GOLPH3L: variants seen among roughly 807,000 people sequenced by gnomAD.
The protein encoded by GOLPH3L is golgi phosphoprotein 3 like, also known as Golgi phosphoprotein 3-like.
Under a neutral mutation model 30.3 loss-of-function variants are expected in GOLPH3L, and 22 were observed. That is an observed-to-expected ratio of 0.73 (90% CI 0.52 to 1.04). The LOEUF (loss-of-function observed/expected upper bound fraction) is 1.04, where lower values mean the gene tolerates loss of function less well. GOLPH3L is among the 50% of genes least tolerant of loss of function. The pLI is 0.00. For missense variants in GOLPH3L, 303 were observed against 345.8 expected (o/e 0.88, Z 0.98); for synonymous variants, 120 against 128.2 (o/e 0.94, Z 0.43).
At chr1:150,671,719 T>C (rs1255259480) in intron 2 of GOLPH3L, among the ~76,000 whole-genome samples, 7 of 145,330 alleles carry the variant, frequency 4.8e-5, no homozygotes, top group Admixed American at 2.9e-4. Context: ...ACAAGGAGAA[T>C]CGCTTGAACC....
chr1:150,652,238 AG>A (rs1650118481), intron 4 of GOLPH3L, among the ~76,000 whole-genome samples: 1 of 151,890 alleles, frequency 6.6e-6, no homozygotes, highest in South Asian at 2.1e-4. Context: ...AAAGCAAAGC[AG>A]GTGTGGTGGC....
intron 2 of GOLPH3L, among the ~76,000 whole-genome samples, chr1:150,679,615 G>A (rs1469561735): frequency 1.3e-5 from 2 of 152,132 alleles, no homozygotes; most frequent in South Asian, 2.1e-4. Context: ...GGGCAACAAA[G>A]TGAAACTCCC....
At chr1:150,654,226 G>T (rs947945764) in intron 4 of GOLPH3L, among the ~76,000 whole-genome samples, 1 of 151,884 alleles carries the variant, frequency 6.6e-6, no homozygotes, top group Admixed American at 6.6e-5. Flanking sequence ...TACTAGGGGG[G>T]CTGGGCATGG....
At chr1:150,664,159 T>C (rs587650378) in intron 2 of GOLPH3L, among the ~76,000 whole-genome samples, 57 of 151,488 alleles carry the variant, frequency 3.8e-4, no homozygotes, top group African/African-American at 1.3e-3. Flanking sequence ...CCACCATGCC[T>C]GGCTGTTTTT....
intron 2 of GOLPH3L, among the ~76,000 whole-genome samples, chr1:150,693,887 TCTCA>T (rs1412154993): frequency 9.0e-6 from 1 of 111,612 alleles, no homozygotes; most frequent in African/African-American, 3.5e-5. Flanking sequence ...TGAGGCAGGG[TCTCA>T]CTCTGTCATC....
chr1:150,685,300 G>T (rs981915833), intron 2 of GOLPH3L, among the ~76,000 whole-genome samples: 1 of 152,110 alleles, frequency 6.6e-6, no homozygotes, highest in East Asian at 1.9e-4. Flanking sequence ...AGTGAGCTTT[G>T]CTGGGGTATT....
chr1:150,690,824 C>A (rs587709694), intron 2 of GOLPH3L, among the ~76,000 whole-genome samples: 1 of 152,126 alleles, frequency 6.6e-6, no homozygotes, highest in Non-Finnish European at 1.5e-5. Flanking sequence ...TATTCTTCCC[C>A]GGATTACTCT....
chr1:150,669,993 G>C (rs891299675), intron 2 of GOLPH3L, among the ~76,000 whole-genome samples: 1 of 148,984 alleles, frequency 6.7e-6, no homozygotes, highest in Non-Finnish European at 1.5e-5. Flanking sequence ...CGGCGTGGTC[G>C]CTCAGGACTG....
At chr1:150,682,424 T>C (rs1650976284) in intron 2 of GOLPH3L, among the ~76,000 whole-genome samples, 1 of 151,830 alleles carries the variant, frequency 6.6e-6, no homozygotes, top group Non-Finnish European at 1.5e-5. Context: ...GTCTAGGAGT[T>C]TGAGACCAGC....
chr1:150,660,725 G>A (rs1650349635), intron 4 of GOLPH3L, among the ~76,000 whole-genome samples: 1 of 152,172 alleles, frequency 6.6e-6, no homozygotes, highest in Admixed American at 6.5e-5. Context: ...GAGGTACCTA[G>A]AGTAAGCAAA....
chr1:150,655,287 G>A (rs1222186690), intron 4 of GOLPH3L, among the ~76,000 whole-genome samples: 2 of 152,180 alleles, frequency 1.3e-5, no homozygotes, highest in Non-Finnish European at 2.9e-5. Flanking sequence ...GGACCCTGAA[G>A]TGTATCAAAG....
rs1649978406 is a variant in GOLPH3L at position 150,646,308 on chromosome 1, T to C, written c.*2013A>G. 1 of 152,174 alleles carries C rather than the reference T, an allele frequency of 6.6e-6. No individual in the cohort carries two copies. The highest frequency in any genetic ancestry group is 1.5e-5 in the Non-Finnish European group (1 of 68,024). 9.4% of individuals were successfully genotyped at this position (152,174 alleles called of 1,614,324 possible). The stretch of plus-strand genomic sequence containing the variant: ...TGAGAAGGAGTTTGGCAGTGAACAT[T>C]ATGCAGATTCAAACTGAAGGTATCC... On this transcript the variant is annotated 3_prime_UTR_variant, in exon 5 of 5. Transcript: ENST00000271732.
chr1:150,651,642 CAA>C (rs59940841), intron 4 of GOLPH3L, among the ~76,000 whole-genome samples: 27 of 60,826 alleles, frequency 4.4e-4, no homozygotes, highest in South Asian at 1.1e-3. Context: ...GAGCGAAACT[CAA>C]AAAAAAAAAA....
At chr1:150,695,430 C>T (rs926973640) in intron 1 of GOLPH3L, among the ~76,000 whole-genome samples, 26 of 152,266 alleles carry the variant, frequency 1.7e-4, no homozygotes, top group South Asian at 2.1e-4. Flanking sequence ...AGCCACCAGG[C>T]CCGGCCAAAC....
intron 2 of GOLPH3L, among the ~76,000 whole-genome samples, chr1:150,691,282 G>A (rs1013576472): frequency 2.6e-5 from 4 of 152,196 alleles, no homozygotes; most frequent in Admixed American, 2.6e-4. Context: ...GGGAGGCCAA[G>A]TTGGGTGGGT....
At chr1:150,686,980 GA>G (rs1215537849) in intron 2 of GOLPH3L, among the ~76,000 whole-genome samples, 5 of 152,082 alleles carry the variant, frequency 3.3e-5, no homozygotes, top group East Asian at 1.9e-4. Context: ...TATGTTTAAA[GA>G]AAAAAACCTG....
chr1:150,663,563 A>G, intron 3 of GOLPH3L, 69 bp downstream of exon 3: 2 of 1,402,262 alleles, frequency 1.4e-6, no homozygotes, highest in South Asian at 1.3e-5. Context: ...AAATCTTTCT[A>G]TTCTTCCCAA....
In GOLPH3L at chr1:150,648,160, A is replaced by G. The variant is rs1282322714; in HGVS notation, c.*161T>C. 3.4e-6 allele frequency: 2 copies of G among 582,370 alleles called. No individual in the cohort carries two copies. Among genetic ancestry groups the G allele is most frequent in the African/African-American group, 1.9e-5 (1 of 53,598 alleles). 36.1% of individuals were successfully genotyped at this position (582,370 alleles called of 1,614,324 possible). ...AAATAAGGTCTGCTTATAATGGTCA[A>G]GGTCTATGGAGAAGCCCTGAAGTTG... On this transcript the variant is annotated 3_prime_UTR_variant, in exon 5 of 5. Coordinates refer to ENST00000271732, the MANE Select transcript of GOLPH3L (RefSeq NM_018178.6).
intron 2 of GOLPH3L, among the ~76,000 whole-genome samples, chr1:150,678,047 C>G (rs1329303426): frequency 6.6e-6 from 1 of 151,230 alleles, no homozygotes; most frequent in Non-Finnish European, 1.5e-5. Context: ...TGCCTGTAAT[C>G]CCAGCACTTT....
Sources: gnomAD v4.1 joint callset for allele counts (sites outside exome capture counted in the v4.1 genomes callset) on GRCh38, gnomAD v4.1.1 for gene constraint, MANE v1.5 for transcripts, NCBI Gene and HGNC (gene_info 2026-07-23, HGNC 2026-07-21) for gene names.